R3HDM2: variants seen among roughly 807,000 people sequenced by gnomAD.
The protein encoded by R3HDM2 is R3H domain-containing protein 2.
In R3HDM2, 38 loss-of-function variants were observed where a neutral mutation model predicts 124.5. That is an observed-to-expected ratio of 0.31 (90% CI 0.24 to 0.40). The LOEUF is 0.40. R3HDM2 is among the 10% of genes least tolerant of loss of function. The probability of loss-of-function intolerance (pLI) is 1.00; values close to 1 mark genes in which losing one functional copy is unlikely to be tolerated. For synonymous variants in R3HDM2, 391 were observed against 448.0 expected (o/e 0.87, Z 1.61); for missense variants, 869 against 1,236.9 (o/e 0.70, Z 4.46).
intron 2 of R3HDM2, among the ~76,000 whole-genome samples, chr12:57,316,629 A>C (rs1158146718): frequency 7.5e-6 from 1 of 133,280 alleles, no homozygotes; most frequent in East Asian, 2.2e-4. Flanking sequence ...TATATCACCC[A>C]GGTTAGAGTA....
Position 57,406,235 on chromosome 12 carries a change from C to T in R3HDM2, c.-105-10417G>A, listed in dbSNP as rs972237233. On this transcript the variant is annotated intron_variant, in intron 1 of 23. Transcript: ENST00000402412. ...ACTCGGGAGGCTGAGGCAGGAGAAT[C>T]GCTTGAATCCAGGAGGCAGAGGTTG... Among the ~76,000 whole-genome samples, 6 of 150,908 alleles carry T rather than the reference C, an allele frequency of 4.0e-5. No individual in the cohort carries two copies. In the South Asian group the frequency reaches 8.4e-4, roughly 21 times the overall value.
intron 2 of R3HDM2, among the ~76,000 whole-genome samples, chr12:57,329,618 A>T (rs962039596): frequency 2.0e-5 from 3 of 152,238 alleles, no homozygotes; most frequent in African/African-American, 7.2e-5. Context: ...TTTTTCTCTT[A>T]TGAGTAACAT....
chr12:57,261,856 AG>A (rs35880125), intron 19 of R3HDM2, among the ~76,000 whole-genome samples: 101 of 144,132 alleles, frequency 7.0e-4, no homozygotes, highest in African/African-American at 1.7e-3. Context: ...GGGAAGTGGG[AG>A]GGGGGGTTGA....
At chr12:57,261,405 G>A (rs1352970620) in intron 19 of R3HDM2, among the ~76,000 whole-genome samples, 1 of 152,172 alleles carries the variant, frequency 6.6e-6, no homozygotes, top group African/African-American at 2.4e-5. Context: ...GTGGAGAAGG[G>A]GGTGAGTGTG....
rs951014365 is a variant in R3HDM2, at chr12:57,295,453, T to C, written c.756A>G (p.Gln252=). 19 of 1,551,844 alleles carry C rather than the reference T, an allele frequency of 1.2e-5. No homozygotes were observed. The Admixed American group carries it at 2.7e-4, about 22-fold the overall frequency. ...CATCTCTCTTGAGAATGAACCTCTG[T>C]TGAAATTCTGTATTCTTCTCATCCT... ...HIKDEKNTEF[Q]QRFILKRDDA... The change falls in exon 10 of 24, where the codon CAA becomes CAG. Residue 252 remains glutamine (Q), a synonymous_variant. Coordinates refer to ENST00000402412, the MANE Select transcript of R3HDM2 (RefSeq NM_001394031.1).
chr12:57,291,365 C>G (rs991368209), intron 11 of R3HDM2, among the ~76,000 whole-genome samples: 1 of 151,738 alleles, frequency 6.6e-6, no homozygotes, highest in Non-Finnish European at 1.5e-5. Flanking sequence ...TAAAACTGAC[C>G]ATCTTTTGCC....
chr12:57,404,065 T>TTTTTTTTTTTC (rs2068295175), intron 1 of R3HDM2, among the ~76,000 whole-genome samples: 2 of 4,050 alleles, frequency 4.9e-4, no homozygotes, highest in Non-Finnish European at 1.6e-3. Flanking sequence ...CCACTCCTAA[T>TTTTTTTTTTTC]TTTTTTTTTT....
intron 1 of R3HDM2, among the ~76,000 whole-genome samples, chr12:57,400,796 G>C (rs1432806772): frequency 6.6e-6 from 1 of 152,118 alleles, no homozygotes. Flanking sequence ...AAAAGGACCA[G>C]AGTGTTAACC....
intron 2 of R3HDM2, among the ~76,000 whole-genome samples, chr12:57,315,743 T>C (rs2054874373): frequency 6.6e-6 from 1 of 152,178 alleles, no homozygotes; most frequent in Non-Finnish European, 1.5e-5. Context: ...CTTCCTTCAT[T>C]CATTGGAGAA....
rs539656293 is a variant in R3HDM2, at chr12:57,395,244, C to T, written c.-36+505G>A. Among the ~76,000 whole-genome samples the T allele has an allele frequency of 1.1e-4, 16 of 152,118 alleles. No homozygotes were observed. The South Asian group carries it at 2.3e-3, about 22-fold the overall frequency. ...AATTAGAGCCGGGCACGGTGGCTCA[C>T]GCCTGTAATCCCAGCACTTTAAGGC... is the stretch of plus-strand genomic sequence containing the variant. On this transcript the variant is annotated intron_variant, in intron 2 of 23. Coordinates refer to ENST00000402412, the MANE Select transcript of R3HDM2 (RefSeq NM_001394031.1).
chr12:57,315,389 C>G (rs1566107936), intron 2 of R3HDM2, among the ~76,000 whole-genome samples: 2 of 152,170 alleles, frequency 1.3e-5, no homozygotes. Flanking sequence ...GTTGCCCAGG[C>G]TGGTCTCAAA....
intron 1 of R3HDM2, among the ~76,000 whole-genome samples, chr12:57,408,832 G>C (rs185985513): frequency 6.7e-6 from 1 of 148,390 alleles, no homozygotes; most frequent in East Asian, 2.0e-4. Flanking sequence ...TAACTCAGGA[G>C]TGGATTACTG....
chr12:57,280,416 G>T lies in R3HDM2; in HGVS notation c.1286C>A (p.Pro429His), dbSNP rs2045857247. ...TTGCTGAGGCGTGGGTGGGAGAGCA[G>T]GAAGTTGCTGCTGCTGCTGCTGCTG... ...QQQQQQQQQL[P>H]ALPPTPQQQP... Residue 429 changes from proline (P) to histidine (H), a missense_variant, in exon 14 of 24, where the codon CCT (proline) becomes CAT (histidine). Physicochemically the swap from Pro to His is moderately conservative, Grantham distance 77. This residue lies in a region of R3HDM2 where 602 missense variants were observed against 789.2 expected (regional missense o/e 0.76). Coordinates refer to ENST00000402412, the MANE Select transcript of R3HDM2 (RefSeq NM_001394031.1). 6.2e-7 allele frequency: 1 copy of T among 1,614,022 alleles called. No homozygotes were observed. The highest frequency in any genetic ancestry group is 1.3e-5 in the African/African-American group (1 of 74,918).
At chr12:57,268,837 T>C in intron 17 of R3HDM2, 85 bp downstream of exon 17, 1 of 1,474,320 alleles carries the variant, frequency 6.8e-7, no homozygotes. Flanking sequence ...AGTATTGGAG[T>C]TTTTAGTATG....
At chr12:57,307,181 G>A (rs1444599338) in intron 3 of R3HDM2, among the ~76,000 whole-genome samples, 1 of 152,138 alleles carries the variant, frequency 6.6e-6, no homozygotes, top group South Asian at 2.1e-4. Flanking sequence ...TGTAATGAAC[G>A]TCCCTTTTCC....
chr12:57,307,374 A>G (rs1326539279), intron 3 of R3HDM2, among the ~76,000 whole-genome samples: 1 of 151,702 alleles, frequency 6.6e-6, no homozygotes, highest in Non-Finnish European at 1.5e-5. Context: ...GCTGGAGTGC[A>G]GTGGTGCGAT....
rs2042543667 is a variant in R3HDM2, at chr12:57,266,836, GA to G, written c.2031-6del. The G allele has an allele frequency of 6.4e-7, 1 of 1,562,990 alleles. No homozygotes were observed. On this transcript the variant is annotated splice_region_variant and splice_polypyrimidine_tract_variant and intron_variant, in intron 18 of 23. Coordinates refer to ENST00000402412, the MANE Select transcript of R3HDM2 (RefSeq NM_001394031.1). The stretch of plus-strand genomic sequence containing the variant: ...TGCAGAAACCCTACAGAAGGGCTGG[GA>G]AGACAGAGAAGAGAGGAGTGGTGAA...
chr12:57,341,370 AGAAG>A (rs2059547483), intron 2 of R3HDM2: 5 of 972,900 alleles, frequency 5.1e-6, no homozygotes, highest in East Asian at 2.3e-4. Flanking sequence ...ATCAAGTCAC[AGAAG>A]GAAGAACGCA....
At chr12:57,282,917 C>T (rs144550072) in intron 13 of R3HDM2, among the ~76,000 whole-genome samples, 241 of 152,190 alleles carry the variant, frequency 1.6e-3, no homozygotes, top group African/African-American at 5.0e-3. Context: ...GGGAGGAGGA[C>T]GATGAAATAG....
Sources: gnomAD v4.1 joint callset for allele counts (sites outside exome capture counted in the v4.1 genomes callset) on GRCh38, gnomAD v4.1.1 for gene constraint, gnomAD v4.1.1 regional missense constraint, MANE v1.5 for transcripts, NCBI Gene and HGNC (gene_info 2026-07-23, HGNC 2026-07-21) for gene names.